CENPK: variants seen among roughly 807,000 people sequenced by gnomAD.
CENPK encodes the protein centromere protein K.
Under a neutral mutation model 40.9 loss-of-function variants are expected in CENPK, and 46 were observed. That is an observed-to-expected ratio of 1.13 (90% CI 0.89 to 1.44). The LOEUF (loss-of-function observed/expected upper bound fraction) is 1.44, where lower values mean the gene tolerates loss of function less well. Ranked by LOEUF, CENPK falls within the 40% of genes most tolerant of loss-of-function variation. The pLI, the probability that CENPK is intolerant of heterozygous loss-of-function variation, is 0.00. For missense variants in CENPK, 288 were observed against 303.5 expected (o/e 0.95, Z 0.38); for synonymous variants, 107 against 104.4 (o/e 1.02, Z -0.15).
the CENPK span, among the ~76,000 whole-genome samples, chr5:65,501,168 A>T: frequency 7.4e-6 from 1 of 135,878 alleles, no homozygotes; most frequent in Admixed American, 8.2e-5. Context: ...TGCAATTGCT[A>T]AGTTTGTTTT....
intron 9 of CENPK, among the ~76,000 whole-genome samples, chr5:65,524,954 G>A (rs960002308): frequency 1.3e-5 from 2 of 152,116 alleles, no homozygotes; most frequent in African/African-American, 4.8e-5. Context: ...TGATTCACTT[G>A]TTTCCTTTAT....
chr5:65,537,454 G>A (rs1337856662), intron 6 of CENPK, among the ~76,000 whole-genome samples: 15 of 152,080 alleles, frequency 9.9e-5, no homozygotes, highest in African/African-American at 3.6e-4. Flanking sequence ...ACAGGAACCC[G>A]CCACCACGCC....
chr5:65,504,452 C>T, the CENPK span, among the ~76,000 whole-genome samples: 4 of 89,252 alleles, frequency 4.5e-5, no homozygotes, highest in Admixed American at 1.7e-4. Context: ...AGCAAAATTC[C>T]GTATCAAAAA....
At chr5:65,531,754 A>G (rs936107483) in intron 6 of CENPK, among the ~76,000 whole-genome samples, 1 of 152,226 alleles carries the variant, frequency 6.6e-6, no homozygotes, top group East Asian at 1.9e-4. Flanking sequence ...TGCCCGCCTC[A>G]GCCTCCCAAA....
chr5:65,538,023 T>C (rs899329961), intron 6 of CENPK, among the ~76,000 whole-genome samples: 3 of 152,216 alleles, frequency 2.0e-5, no homozygotes, highest in Admixed American at 1.3e-4. Context: ...CCATTTTACA[T>C]TGCCACTAGC....
chr5:65,559,808 T>C (rs908285565), intron 2 of CENPK, among the ~76,000 whole-genome samples: 1 of 152,048 alleles, frequency 6.6e-6, no homozygotes. Context: ...ACTTTCTATA[T>C]TCACATACAT....
intron 9 of CENPK, among the ~76,000 whole-genome samples, chr5:65,525,431 C>T (rs1160525276): frequency 6.6e-6 from 1 of 152,004 alleles, no homozygotes; most frequent in Admixed American, 6.6e-5. Context: ...TTGATCCAGC[C>T]ATCCATCAAT....
the CENPK span, among the ~76,000 whole-genome samples, chr5:65,508,766 C>T: frequency 1.5e-5 from 2 of 129,898 alleles, no homozygotes; most frequent in East Asian, 4.5e-4. Flanking sequence ...AGCCTGGGTG[C>T]GACAGAGCAA....
chr5:65,551,274 G>C, intron 5 of CENPK: 2 of 236,268 alleles, frequency 8.5e-6, no homozygotes, highest in Non-Finnish European at 1.6e-5. Context: ...AAAAAAAAAG[G>C]AACAATTTAC....
the CENPK span, among the ~76,000 whole-genome samples, chr5:65,497,346 G>T: frequency 3.3e-5 from 5 of 151,962 alleles, no homozygotes; most frequent in Non-Finnish European, 7.4e-5. Flanking sequence ...TCCAGCCTAA[G>T]CGACAAAGTG....
chr5:65,560,381 G>T (rs1751754987), intron 2 of CENPK, among the ~76,000 whole-genome samples: 1 of 152,070 alleles, frequency 6.6e-6, no homozygotes, highest in South Asian at 2.1e-4. Context: ...AGAGTGGAAG[G>T]GGGAAAAGGG....
At chr5:65,556,768 C>T (rs1341070194) in intron 2 of CENPK, among the ~76,000 whole-genome samples, 1 of 152,222 alleles carries the variant, frequency 6.6e-6, no homozygotes, top group Non-Finnish European at 1.5e-5. Flanking sequence ...CTATAAGCTA[C>T]ATTCATGGTA....
chr5:65,534,204 G>T (rs1317244924), intron 6 of CENPK, among the ~76,000 whole-genome samples: 1 of 152,052 alleles, frequency 6.6e-6, no homozygotes, highest in Admixed American at 6.6e-5. Flanking sequence ...GAGACAAAAT[G>T]TTTAAATATC....
At chr5:65,522,895 G>A (rs189385675) in intron 9 of CENPK, among the ~76,000 whole-genome samples, 3 of 152,228 alleles carry the variant, frequency 2.0e-5, no homozygotes, top group Admixed American at 6.5e-5. Flanking sequence ...TCATAATTAC[G>A]GAGACTGGAA....
At chr5:65,555,501 T>C (rs763618218) in intron 2 of CENPK, among the ~76,000 whole-genome samples, 1 of 152,218 alleles carries the variant, frequency 6.6e-6, no homozygotes, top group Non-Finnish European at 1.5e-5. Flanking sequence ...TTTGAGATGA[T>C]AAGCAATTAG....
chr5:65,515,337 G>T (rs193156844), downstream of CENPK, among the ~76,000 whole-genome samples: 15 of 151,458 alleles, frequency 9.9e-5, no homozygotes, highest in Admixed American at 9.9e-4. Context: ...CAAGTAGCTG[G>T]GACTACAGGT....
At chr5:65,554,977 G>A in intron 2 of CENPK, 31 bp from the exon 3 acceptor site, 1 of 927,428 alleles carries the variant, frequency 1.1e-6, no homozygotes, top group Admixed American at 1.9e-5. Context: ...TCATTCAGCA[G>A]TATTGGTTGA....
intron 5 of CENPK, among the ~76,000 whole-genome samples, chr5:65,548,760 C>T (rs1225574889): frequency 1.3e-5 from 2 of 152,152 alleles, no homozygotes; most frequent in Non-Finnish European, 2.9e-5. Flanking sequence ...CTCATCTGTT[C>T]AAGTTTTATC....
At chr5:65,505,465 T>C in the CENPK span, among the ~76,000 whole-genome samples, 2 of 152,096 alleles carry the variant, frequency 1.3e-5, no homozygotes, top group African/African-American at 4.8e-5. Context: ...ATACCTTGTT[T>C]CTACAAAAAT....
Sources: gnomAD v4.1 joint callset for allele counts (sites outside exome capture counted in the v4.1 genomes callset) on GRCh38, gnomAD v4.1.1 for gene constraint, MANE v1.5 for transcripts, NCBI Gene and HGNC (gene_info 2026-07-23, HGNC 2026-07-21) for gene names.